SPART: variants seen among roughly 807,000 people sequenced by gnomAD.
SPART encodes the protein spartin, also known as spastic paraplegia 20 (Troyer syndrome).
A neutral mutation model predicts 58.7 loss-of-function variants in SPART; 35 were observed. The observed-to-expected ratio is 0.60, with a 90% CI of 0.46 to 0.79. SPART has a LOEUF of 0.79. SPART is among the 30% of genes least tolerant of loss of function. The pLI, the probability that SPART is intolerant of heterozygous loss-of-function variation, is 0.00. For missense variants in SPART, 730 were observed against 786.1 expected, an observed-to-expected ratio of 0.93 and a Z score of 0.85; for synonymous variants, 284 against 280.7, an observed-to-expected ratio of 1.01 and a Z score of -0.12.
At chr13:36,316,478 C>A (rs986584740) in intron 5 of SPART, among the ~76,000 whole-genome samples, 2 of 152,152 alleles carry the variant, frequency 1.3e-5, no homozygotes, top group African/African-American at 4.8e-5. Context: ...GTGTAAATGG[C>A]CACTCCTTGC....
At chr13:36,309,104 C>A (rs1355389758) in intron 8 of SPART, among the ~76,000 whole-genome samples, 1 of 152,012 alleles carries the variant, frequency 6.6e-6, no homozygotes, top group East Asian at 1.9e-4. Context: ...ATTAGCCGGT[C>A]ATGGTGGCGG....
At chr13:36,329,140 T>C (rs926339666) in intron 4 of SPART, among the ~76,000 whole-genome samples, 1 of 152,162 alleles carries the variant, frequency 6.6e-6, no homozygotes, top group African/African-American at 2.4e-5. Context: ...GAAAAAAATC[T>C]ATCCCCCAAA....
At chr13:36,345,166 G>C (rs1026787800) in intron 1 of SPART, among the ~76,000 whole-genome samples, 1 of 152,116 alleles carries the variant, frequency 6.6e-6, no homozygotes, top group Admixed American at 6.5e-5. Context: ...AGCGGAGGGG[G>C]CTTTGTCTAA....
chr13:36,369,930 G>A (rs937417336), intron 1 of SPART, among the ~76,000 whole-genome samples: 37 of 152,278 alleles, frequency 2.4e-4, no homozygotes, highest in African/African-American at 8.7e-4. Flanking sequence ...GAACTTTGAC[G>A]ATGTTGTGGC....
chr13:36,312,123 A>G lies in SPART; in HGVS notation c.1733+22T>C, dbSNP rs772238923. The G allele has an allele frequency of 2.5e-6, 4 of 1,598,346 alleles. No individual in the cohort carries two copies. In the East Asian group the frequency reaches 8.9e-5, roughly 36 times the overall value. ...ACAACAACAAAACAGAGATTTAGTCATTAAAATAAAATTCAACTTACTTGT... is the reference window on the plus strand; with the variant it reads ...ACAACAACAAAACAGAGATTTAGTCGTTAAAATAAAATTCAACTTACTTGT... On this transcript the variant is annotated intron_variant, in intron 8 of 8. Coordinates refer to ENST00000438666, the MANE Select transcript of SPART (RefSeq NM_015087.5).
chr13:36,347,714 C>T (rs1256107621), upstream of SPART, among the ~76,000 whole-genome samples: 1 of 152,122 alleles, frequency 6.6e-6, no homozygotes, highest in Non-Finnish European at 1.5e-5. Context: ...TTCTCACTTC[C>T]ACGTTTTTGG....
chr13:36,325,161 C>T (rs182983572), intron 5 of SPART, among the ~76,000 whole-genome samples: 223 of 152,004 alleles, frequency 1.5e-3, no homozygotes, highest in Admixed American at 6.5e-3. Context: ...GGGAAAACGA[C>T]CTTTGAATTT....
chr13:36,335,255 C>T lies in SPART; in HGVS notation c.576G>A (p.Gly192=), dbSNP rs1390519557. The T allele has an allele frequency of 1.2e-6, 2 of 1,613,904 alleles. No homozygotes were observed. The highest frequency in any genetic ancestry group is 1.7e-6 in the Non-Finnish European group (2 of 1,180,002). ...ACTCCTCTCCAACTGATGAAAACTC[C>T]CCAGAATCTGTTCCATAGGATACAG... is the stretch of plus-strand genomic sequence containing the variant. ...HYTVSYGTDS[G]EFSSVGEEFY... is the part of the protein sequence containing the mutation. Residue 192 remains glycine, a synonymous_variant, in exon 2 of 9, where the codon GGG becomes GGA. Transcript: ENST00000438666.
intron 1 of SPART, among the ~76,000 whole-genome samples, chr13:36,364,174 C>T (rs888689783): frequency 2.0e-5 from 3 of 152,130 alleles, no homozygotes; most frequent in African/African-American, 7.2e-5. Context: ...GTAATAGTGA[C>T]TGTAACTATC....
At chr13:36,320,728 A>G (rs1242349270) in intron 5 of SPART, among the ~76,000 whole-genome samples, 5 of 152,122 alleles carry the variant, frequency 3.3e-5, no homozygotes, top group African/African-American at 7.2e-5. Flanking sequence ...CTAGGTAGAC[A>G]CTTTCACTGG....
upstream of SPART, chr13:36,346,928 G>T (rs777396549): frequency 1.3e-5 from 2 of 152,212 alleles, no homozygotes; most frequent in Admixed American, 1.3e-4. Flanking sequence ...TGTGACTTCT[G>T]TATCCAGAGC....
intron 1 of SPART, among the ~76,000 whole-genome samples, chr13:36,340,475 C>CA (rs1207929240): frequency 5.9e-5 from 9 of 151,310 alleles, no homozygotes; most frequent in African/African-American, 1.9e-4. Context: ...TACTTACACA[C>CA]AAAAAAAGAG....
chr13:36,348,056 C>T (rs182978046), upstream of SPART, among the ~76,000 whole-genome samples: 403 of 152,228 alleles, frequency 2.6e-3, 3 homozygotes, highest in African/African-American at 9.2e-3. Flanking sequence ...GAGGCCGAGG[C>T]AAGAGAATCG....
intron 4 of SPART, 89 bp downstream of exon 4, chr13:36,329,257 AAGTTGCTTTGCTTTAG>A (rs1883236245): frequency 1.6e-6 from 2 of 1,269,184 alleles, no homozygotes; most frequent in Admixed American, 1.7e-5. Context: ...ACTAATGCAC[AAGTTGCTTTGCTTTAG>A]TATATGGGAA....
At chr13:36,332,919 T>C (rs1566129083) in intron 2 of SPART, among the ~76,000 whole-genome samples, 1 of 152,182 alleles carries the variant, frequency 6.6e-6, no homozygotes. Flanking sequence ...TGGGACAATT[T>C]AGTAAAAATA....
At chr13:36,346,593 T>C (rs1047491577), upstream of SPART, 4 of 152,266 alleles carry the variant, frequency 2.6e-5, no homozygotes, top group Admixed American at 2.0e-4. Context: ...TTCTAAATGG[T>C]ACGTGGGAGG....
At chr13:36,367,695 G>A (rs1254997305) in intron 1 of SPART, among the ~76,000 whole-genome samples, 2 of 152,200 alleles carry the variant, frequency 1.3e-5, no homozygotes, top group African/African-American at 4.8e-5. Context: ...AAACAGGGAG[G>A]TAGATGGCAG....
intron 6 of SPART, 47 bp from the exon 7 acceptor site, chr13:36,312,524 CCT>C: frequency 6.3e-7 from 1 of 1,578,084 alleles, no homozygotes; most frequent in Non-Finnish European, 8.7e-7. Flanking sequence ...TATATTATTC[CCT>C]TGATTTTTAC....
At chr13:36,331,130 A>C (rs1422703456) in intron 3 of SPART, among the ~76,000 whole-genome samples, 1 of 152,206 alleles carries the variant, frequency 6.6e-6, no homozygotes, top group African/African-American at 2.4e-5. Flanking sequence ...TAAGTAAATT[A>C]AAGTATAGAG....
Sources: gnomAD v4.1 joint callset for allele counts (sites outside exome capture counted in the v4.1 genomes callset) on GRCh38, gnomAD v4.1.1 for gene constraint, MANE v1.5 for transcripts, NCBI Gene and HGNC (gene_info 2026-07-23, HGNC 2026-07-21) for gene names.